The following DGCR2 variants were observed in gnomAD, a reference collection of about 807,000 sequenced individuals.
The protein encoded by DGCR2 is integral membrane protein DGCR2/IDD.
DGCR2 carries 24 observed loss-of-function variants against 51.6 expected under a neutral mutation model. The observed-to-expected ratio is 0.47, with a 90% CI of 0.34 to 0.65. The LOEUF is 0.65. Among genes scored for constraint, DGCR2 ranks in the 30% least tolerant of loss-of-function variants. DGCR2 has a pLI of 0.01. For synonymous variants in DGCR2, 340 were observed against 315.4 expected, an observed-to-expected ratio of 1.08 and a Z score of -0.82; for missense variants, 765 against 772.1, an observed-to-expected ratio of 0.99 and a Z score of 0.11.
chr22:19,068,031 C>A, intron 3 of DGCR2, 69 bp downstream of exon 3: 2 of 1,478,492 alleles, frequency 1.4e-6, no homozygotes, highest in Non-Finnish European at 1.8e-6. Context: ...CACAGTAGTG[C>A]TGGAAAGGCA....
chr22:19,067,946 G>C (rs1557846), intron 3 of DGCR2, 154 bp downstream of exon 3: 2 of 1,062,238 alleles, frequency 1.9e-6, no homozygotes, highest in African/African-American at 3.2e-5. Context: ...GGGTGACTGC[G>C]GGTGGGTCAT....
chr22:19,043,893 A>C lies in DGCR2; in HGVS notation c.1007-1934T>G, dbSNP rs139954823. ...TGCATTTTTTGCTGACGACACATGA[A>C]GTGAATATGTGAGAAGGATACATCC... On this transcript the variant is annotated intron_variant, in intron 7 of 9. Coordinates refer to ENST00000263196, the MANE Select transcript of DGCR2 (RefSeq NM_005137.3). Among the ~76,000 whole-genome samples, 286 of 152,292 alleles carry C rather than the reference A, an allele frequency of 1.9e-3. 1 individual carries two copies. Among genetic ancestry groups the C allele is most frequent in the Non-Finnish European group, 3.4e-3 (229 of 68,004 alleles).
chr22:19,053,841 A>G (rs954706705), intron 6 of DGCR2, among the ~76,000 whole-genome samples: 1 of 152,244 alleles, frequency 6.6e-6, no homozygotes, highest in Admixed American at 6.5e-5. Context: ...AATTCAGATG[A>G]GAGATGGAAT....
rs553524447 is a variant in DGCR2, at chr22:19,084,458, G to A, written c.202+4910C>T. Among the ~76,000 whole-genome samples the A allele has an allele frequency of 3.3e-5, 5 of 149,964 alleles. No homozygotes were observed. The South Asian group carries it at 1.1e-3, about 32-fold the overall frequency. On this transcript the variant is annotated intron_variant, in intron 2 of 9. Coordinates refer to ENST00000263196, the MANE Select transcript of DGCR2 (RefSeq NM_005137.3). ...CCTCCGCCCGGCAGCCGCCCCGTCT[G>A]AGAAGTGAGGGGCCCCTTTGCCCGG...
chr22:19,067,586 G>A (rs999288999), intron 3 of DGCR2, among the ~76,000 whole-genome samples: 33 of 152,098 alleles, frequency 2.2e-4, no homozygotes, highest in Admixed American at 5.9e-4. Flanking sequence ...CCAGCTACTC[G>A]GGAGGCTAAG....
At chr22:19,090,059 G>GT (rs2083061707) in intron 1 of DGCR2, among the ~76,000 whole-genome samples, 1 of 152,344 alleles carries the variant, frequency 6.6e-6, no homozygotes, top group African/African-American at 2.4e-5. Flanking sequence ...GATAAAAACT[G>GT]TAACACTTAA....
intron 5 of DGCR2, among the ~76,000 whole-genome samples, chr22:19,062,363 G>A (rs2082673569): frequency 6.6e-6 from 1 of 152,116 alleles, no homozygotes. Context: ...CCTCTGTGGG[G>A]CCCTCTTTTC....
intron 2 of DGCR2, among the ~76,000 whole-genome samples, chr22:19,083,731 CCTCTCCCTCTCTTT>C (rs2082970370): frequency 2.2e-5 from 3 of 139,458 alleles, no homozygotes; most frequent in African/African-American, 8.2e-5. Context: ...CCACGGTCTC[CCTCTCCCTCTCTTT>C]CCACGGTCTC....
intron 3 of DGCR2, 62 bp from the exon 4 acceptor site, chr22:19,065,129 T>C (rs2082734080): frequency 7.0e-7 from 1 of 1,432,510 alleles, no homozygotes; most frequent in Non-Finnish European, 9.7e-7. Flanking sequence ...GGAAATTATA[T>C]GTACTCCATC....
intron 2 of DGCR2, among the ~76,000 whole-genome samples, chr22:19,076,723 C>CGT (rs1228247995): frequency 3.4e-5 from 4 of 118,762 alleles, no homozygotes; most frequent in Non-Finnish European, 7.0e-5. Flanking sequence ...GTCCTTTGCA[C>CGT]ATTTTTTTTT....
chr22:19,111,860 ATT>A (rs953903995), intron 1 of DGCR2, among the ~76,000 whole-genome samples: 30 of 89,312 alleles, frequency 3.4e-4, no homozygotes, highest in African/African-American at 1.4e-3. Flanking sequence ...TTATTTATTT[ATT>A]TTTTTTTGTC....
At position 19,089,467 on chromosome 22, in the gene DGCR2, A is replaced by C; in HGVS notation, c.103T>G (p.Phe35Val). The C allele has an allele frequency of 6.2e-7, 1 of 1,602,164 alleles. No homozygotes were observed. The highest frequency in any genetic ancestry group is 8.5e-7 in the Non-Finnish European group (1 of 1,173,532). The change falls in exon 2 of 10, where the codon TTT becomes GTT. Residue 35 changes from phenylalanine (F) to valine (V), a missense_variant. Around this residue, in one of 3 missense-constraint regions of DGCR2, gnomAD observed 370 missense variants for 325.5 expected, o/e 1.14. Transcript: ENST00000263196. ...TGGATGGTGCCGCTGCGACACGCAA[A>C]CTGCCCAGGGTTGCACCGCAGCTCT... ...RPELRCNPGQ[F>V]ACRSGTIQCI...
At chr22:19,053,541 C>T (rs752081271) in intron 6 of DGCR2, among the ~76,000 whole-genome samples, 18 of 152,122 alleles carry the variant, frequency 1.2e-4, no homozygotes, top group Non-Finnish European at 2.5e-4. Context: ...AGATCAACGC[C>T]CTGCACTGTA....
At chr22:19,096,385 C>A (rs565151105) in intron 1 of DGCR2, among the ~76,000 whole-genome samples, 2 of 152,162 alleles carry the variant, frequency 1.3e-5, no homozygotes, top group East Asian at 1.9e-4. Context: ...TTAATAGGTA[C>A]AAAAACACAG....
intron 2 of DGCR2, among the ~76,000 whole-genome samples, chr22:19,079,916 T>C (rs1190273936): frequency 6.6e-6 from 1 of 152,264 alleles, no homozygotes; most frequent in African/African-American, 2.4e-5. Context: ...CAGCACTGGT[T>C]GTCTTTCATC....
intron 1 of DGCR2, among the ~76,000 whole-genome samples, chr22:19,095,933 C>T (rs1301385832): frequency 6.6e-6 from 1 of 152,116 alleles, no homozygotes; most frequent in Non-Finnish European, 1.5e-5. Flanking sequence ...CCTTGGCCTA[C>T]CAGATCTCAC....
At chr22:19,100,720 C>T (rs1037803112) in intron 1 of DGCR2, among the ~76,000 whole-genome samples, 15 of 150,288 alleles carry the variant, frequency 1.0e-4, no homozygotes, top group African/African-American at 3.7e-4. Context: ...CATTCTAAGA[C>T]ACCTTAATAC....
At chr22:19,043,376 T>C (rs1209237811) in intron 7 of DGCR2, among the ~76,000 whole-genome samples, 1 of 152,156 alleles carries the variant, frequency 6.6e-6, no homozygotes, top group Admixed American at 6.5e-5. Context: ...AGGGGCTCGA[T>C]ATGAGCTGCC....
chr22:19,084,336 C>T (rs1386832576), intron 2 of DGCR2, among the ~76,000 whole-genome samples: 2 of 151,958 alleles, frequency 1.3e-5, no homozygotes, highest in African/African-American at 2.4e-5. Flanking sequence ...CCCGCCGCCC[C>T]GTCTGGGATG....
Sources: gnomAD v4.1 joint callset for allele counts (sites outside exome capture counted in the v4.1 genomes callset) on GRCh38, gnomAD v4.1.1 for gene constraint, gnomAD v4.1.1 regional missense constraint, MANE v1.5 for transcripts, NCBI Gene and HGNC (gene_info 2026-07-23, HGNC 2026-07-21) for gene names.